The following BAD variants were observed in gnomAD, a reference collection of about 807,000 sequenced individuals.
BAD encodes bcl2-associated agonist of cell death.
In BAD, 18 loss-of-function variants were observed where a neutral mutation model predicts 17.8. The observed-to-expected ratio is 1.01, with a 90% CI of 0.70 to 1.50. The LOEUF (loss-of-function observed/expected upper bound fraction) is 1.50, where lower values mean the gene tolerates loss of function less well. Ranked by LOEUF, BAD falls within the 40% of genes most tolerant of loss-of-function variation. The pLI, the probability that BAD is intolerant of heterozygous loss-of-function variation, is 0.00. For missense variants in BAD, 294 were observed against 239.3 expected, an observed-to-expected ratio of 1.23 and a Z score of -1.51; for synonymous variants, 112 against 91.5, an observed-to-expected ratio of 1.22 and a Z score of -1.28.
Position 64,270,147 on chromosome 11 carries a change from A to T in BAD, c.*62T>A. ...AGGCCTGAGGGAAGTACTTCCGCCC[A>T]TATTCAAGATGGCTGCCCAGGGCAG... On this transcript the variant is annotated 3_prime_UTR_variant, in exon 4 of 4. Coordinates refer to ENST00000309032, the MANE Select transcript of BAD (RefSeq NM_032989.3). 6.2e-7 allele frequency: 1 copy of T among 1,612,464 alleles called. No homozygotes were observed. Among genetic ancestry groups the T allele is most frequent in the Non-Finnish European group, 8.5e-7 (1 of 1,178,992 alleles).
intron 2 of BAD, among the ~76,000 whole-genome samples, chr11:64,278,118 G>T (rs1013359391): frequency 6.6e-6 from 1 of 152,022 alleles, no homozygotes; most frequent in African/African-American, 2.4e-5. Context: ...AAAGACCCTT[G>T]TCTCTACAAA....
At chr11:64,270,900 GAC>G (rs71045754) in intron 3 of BAD, among the ~76,000 whole-genome samples, 6,580 of 87,610 alleles carry the variant, frequency 0.075, 735 homozygotes, top group African/African-American at 0.21. Flanking sequence ...TGCCCTGTGA[GAC>G]ACACACACAC....
At chr11:64,274,122 G>A (rs1177875876) in intron 2 of BAD, among the ~76,000 whole-genome samples, 2 of 152,226 alleles carry the variant, frequency 1.3e-5, no homozygotes, top group African/African-American at 4.8e-5. Flanking sequence ...GCCGGGTGCG[G>A]TGGCTTACGC....
Position 64,271,759 on chromosome 11 carries a change from C to T in BAD, c.232G>A (p.Ala78Thr). 2 of 1,421,676 alleles carry T rather than the reference C, an allele frequency of 1.4e-6. No homozygotes were observed. The highest frequency in any genetic ancestry group is 1.6e-5 in the South Asian group (1 of 63,244). The allele number at this position is 1,421,676 out of a possible 1,614,324, so 88.1% of individuals were successfully genotyped here. The part of the protein sequence containing the change: ...EIRSRHSSYP[A>T]GTEDDEGMGE... ...ATCCCTTCGTCGTCCTCCGTCCCCGCGGGGTAGGAGCTGTGGCGACTCCGG... is the reference window on the plus strand; with the variant it reads ...ATCCCTTCGTCGTCCTCCGTCCCCGTGGGGTAGGAGCTGTGGCGACTCCGG... The change falls in exon 3 of 4, where the codon GCG becomes ACG. Residue 78 changes from alanine to threonine, a missense_variant. By Grantham distance (58) the Ala-to-Thr change is moderately conservative. Transcript: ENST00000309032.
chr11:64,284,475 C>A (rs943095812), intron 1 of BAD, 99 bp from the exon 2 acceptor site: 1 of 1,592,284 alleles, frequency 6.3e-7, no homozygotes, highest in Non-Finnish European at 8.5e-7. Flanking sequence ...CCCACCGTAG[C>A]GCCCCCAGGC....
intron 2 of BAD, among the ~76,000 whole-genome samples, chr11:64,281,461 GT>G (rs1412347630): frequency 6.6e-6 from 1 of 152,192 alleles, no homozygotes; most frequent in Non-Finnish European, 1.5e-5. Context: ...TCCTTTCCAG[GT>G]TTTTACTCAA....
At chr11:64,271,933 C>T in intron 2 of BAD, 130 bp from the exon 3 acceptor site, 1 of 626,914 alleles carries the variant, frequency 1.6e-6, no homozygotes. Flanking sequence ...CACAGCCCAC[C>T]TCTCAGAGCC....
At chr11:64,278,296 G>A (rs2033201824) in intron 2 of BAD, among the ~76,000 whole-genome samples, 2 of 151,734 alleles carry the variant, frequency 1.3e-5, no homozygotes, top group South Asian at 2.1e-4. Flanking sequence ...CTGGGAGGTA[G>A]AGGTTGCTGC....
intron 1 of BAD, 61 bp downstream of exon 1, chr11:64,284,570 C>T (rs2135154766): frequency 6.7e-7 from 1 of 1,493,582 alleles, no homozygotes; most frequent in South Asian, 1.3e-5. Context: ...CTCAGTCTCC[C>T]CTCAGAACCC....
intron 3 of BAD, 44 bp from the exon 4 acceptor site, chr11:64,270,381 C>T: frequency 1.3e-6 from 2 of 1,508,556 alleles, no homozygotes; most frequent in Non-Finnish European, 1.8e-6. Flanking sequence ...ATTACCATGG[C>T]AGCTCGAGCC....
intron 2 of BAD, among the ~76,000 whole-genome samples, chr11:64,281,827 T>C (rs2033496787): frequency 6.6e-6 from 1 of 152,206 alleles, no homozygotes; most frequent in Non-Finnish European, 1.5e-5. Context: ...TTCAAGCGAT[T>C]CTCCTGCCTC....
At position 64,269,905 on chromosome 11, in the gene BAD, G is replaced by T. The variant is rs2032377779; in HGVS notation, c.*304C>A. 2 of 701,718 alleles carry T rather than the reference G, an allele frequency of 2.9e-6. No homozygotes were observed. Among genetic ancestry groups the T allele is most frequent in the African/African-American group, 1.7e-5 (1 of 57,218 alleles). 43.5% of individuals were successfully genotyped at this position (701,718 alleles called of 1,614,324 possible). A position where few individuals can be genotyped will look rare whatever the true frequency, so the allele number is the denominator to read the frequency against. On this transcript the variant is annotated 3_prime_UTR_variant, in exon 4 of 4. Coordinates refer to ENST00000309032, the MANE Select transcript of BAD (RefSeq NM_032989.3). ...AGGGCATCGCGGGGGCTCGGGTCCC[G>T]GTGACGCAACGGTTAAACCTGGCTC... is the stretch of plus-strand genomic sequence containing the variant.
intron 2 of BAD, among the ~76,000 whole-genome samples, chr11:64,275,030 G>A (rs1052797039): frequency 4.9e-5 from 7 of 143,134 alleles, no homozygotes; most frequent in East Asian, 2.0e-4. Context: ...GTAAGGGAAC[G>A]AGAGGACGGA....
intron 2 of BAD, chr11:64,276,642 A>T (rs370577722): frequency 1.7e-5 from 7 of 414,194 alleles, no homozygotes; most frequent in African/African-American, 8.2e-5. Context: ...TTGAATTTTT[A>T]AAAAGTGTTC....
intron 2 of BAD, among the ~76,000 whole-genome samples, chr11:64,278,364 G>GA (rs900551717): frequency 5.5e-5 from 8 of 145,540 alleles, no homozygotes; most frequent in Non-Finnish European, 9.0e-5. Flanking sequence ...CTCCATCTTG[G>GA]AAAAAAAAAT....
intron 2 of BAD, among the ~76,000 whole-genome samples, chr11:64,273,028 C>A (rs1413888281): frequency 6.6e-6 from 1 of 152,146 alleles, no homozygotes; most frequent in Non-Finnish European, 1.5e-5. Flanking sequence ...GAGTTCGAGA[C>A]CAGCCTAGGC....
chr11:64,284,395 A>T lies in BAD; in HGVS notation c.-8-19T>A, dbSNP rs376064584. 1.1e-5 allele frequency: 18 copies of T among 1,611,730 alleles called. No individual in the cohort carries two copies. The African/African-American group carries it at 1.7e-4, about 16-fold the overall frequency. ...CTCTGGGCTGTGAGGACAAGATGTT[A>T]CGTAGTCAAGGCACAGCTGGGGCCA... On this transcript the variant is annotated intron_variant, in intron 1 of 3. Transcript: ENST00000309032.
intron 2 of BAD, among the ~76,000 whole-genome samples, chr11:64,281,907 G>C (rs928091209): frequency 3.9e-5 from 6 of 152,192 alleles, no homozygotes; most frequent in African/African-American, 1.4e-4. Flanking sequence ...TTTTGGTAGA[G>C]ATGGGGTTTC....
chr11:64,280,120 A>G (rs1373221192), intron 2 of BAD, among the ~76,000 whole-genome samples: 2 of 151,382 alleles, frequency 1.3e-5, no homozygotes, highest in Non-Finnish European at 2.9e-5. Context: ...GATCGAGACC[A>G]TCCTGGCTAA....
Sources: gnomAD v4.1 joint callset for allele counts (sites outside exome capture counted in the v4.1 genomes callset) on GRCh38, gnomAD v4.1.1 for gene constraint, MANE v1.5 for transcripts, NCBI Gene and HGNC (gene_info 2026-07-23, HGNC 2026-07-21) for gene names.